CSMD3: variants seen among roughly 807,000 people sequenced by gnomAD.
CSMD3 encodes CUB and Sushi multiple domains 3.
Under a neutral mutation model 435.2 loss-of-function variants are expected in CSMD3, and 177 were observed. The ratio of observed to expected loss-of-function variants is 0.41; its 90% CI spans 0.36 to 0.46. The LOEUF is 0.46. Ranked by LOEUF, CSMD3 falls within the 20% of genes least tolerant of loss-of-function variation. The pLI, the probability that CSMD3 is intolerant of heterozygous loss-of-function variation, is 0.34. For missense variants in CSMD3, 4,265 were observed against 4,504.6 expected (o/e 0.95, Z 1.52); for synonymous variants, 1,656 against 1,520.5 (o/e 1.09, Z -2.07).
intron 6 of CSMD3, among the ~76,000 whole-genome samples, chr8:112,986,721 A>C (rs761924851): frequency 6.6e-6 from 1 of 152,070 alleles, no homozygotes; most frequent in South Asian, 2.1e-4. Flanking sequence ...ATTGAATGGA[A>C]GATATTTCCA....
At chr8:113,022,886 T>C (rs911910964) in intron 5 of CSMD3, among the ~76,000 whole-genome samples, 1 of 143,620 alleles carries the variant, frequency 7.0e-6, no homozygotes, top group South Asian at 2.3e-4. Flanking sequence ...TTGCAAAAAA[T>C]TTTTAGTTCT....
intron 2 of CSMD3, chr8:113,312,892 T>C (rs1489269013): frequency 2.0e-5 from 3 of 152,026 alleles, no homozygotes; most frequent in African/African-American, 7.2e-5. Context: ...GTTTACAATG[T>C]AAAAGGAAAA....
At chr8:112,614,444 A>G (rs1833510400) in intron 22 of CSMD3, among the ~76,000 whole-genome samples, 1 of 151,820 alleles carries the variant, frequency 6.6e-6, no homozygotes, top group East Asian at 1.9e-4. Context: ...GACCCACAGA[A>G]CCCCACCCGG....
In CSMD3 at chr8:112,408,281, A is replaced by G. The variant is rs751186008; in HGVS notation, c.5605+37T>C. The G allele has an allele frequency of 3.3e-6, 4 of 1,209,208 alleles. No homozygotes were observed. The South Asian group carries it at 4.8e-5, about 15-fold the overall frequency. The allele number at this position is 1,209,208 out of a possible 1,614,324, so 74.9% of individuals were successfully genotyped here. On this transcript the variant is annotated intron_variant, in intron 34 of 70. Transcript: ENST00000297405. ...GAATACATCATGGGAAAATTATATCATTCCTTAGTGTGTTTCTAGACTACA... is the reference window on the plus strand; with the variant it reads ...GAATACATCATGGGAAAATTATATCGTTCCTTAGTGTGTTTCTAGACTACA...
At chr8:113,397,243 G>GT (rs1172135708) in intron 1 of CSMD3, among the ~76,000 whole-genome samples, 2 of 151,790 alleles carry the variant, frequency 1.3e-5, no homozygotes, top group Non-Finnish European at 2.9e-5. Flanking sequence ...CTTTAAATTT[G>GT]TTTTTTTCCA....
At chr8:112,608,885 T>C (rs1269604588) in intron 22 of CSMD3, among the ~76,000 whole-genome samples, 1 of 151,874 alleles carries the variant, frequency 6.6e-6, no homozygotes, top group African/African-American at 2.4e-5. Context: ...ACCTGAAACC[T>C]TAACACTTCT....
At chr8:113,340,029 T>C (rs1452845768) in intron 1 of CSMD3, among the ~76,000 whole-genome samples, 1 of 152,034 alleles carries the variant, frequency 6.6e-6, no homozygotes, top group African/African-American at 2.4e-5. Context: ...CATGTCATAG[T>C]CTTTACTTAA....
rs374333964 is a variant in CSMD3 at position 113,020,148 on chromosome 8, C to A, written c.918-969G>T. On this transcript the variant is annotated intron_variant, in intron 5 of 70. Transcript: ENST00000297405. ...ACTGCAGTCCGCAGTCCGGCCTGGG[C>A]GACAGAGCGAGACTCCGTCTCAAAA... 8.5e-4 allele frequency among the ~76,000 whole-genome samples: 100 copies of A among 117,174 alleles called. No individual in the cohort carries two copies. The South Asian group carries it at 0.02, about 23-fold the overall frequency. 76.9% of individuals were successfully genotyped at this position (117,174 alleles called of 152,430 possible). A position where few individuals can be genotyped will look rare whatever the true frequency, so the allele number is the denominator to read the frequency against.
At chr8:112,723,953 T>A (rs1490024249) in intron 13 of CSMD3, among the ~76,000 whole-genome samples, 1 of 151,826 alleles carries the variant, frequency 6.6e-6, no homozygotes, top group Admixed American at 6.6e-5. Context: ...AAATGAGAGA[T>A]CATCCGTTCA....
chr8:113,225,150 C>T (rs367823018), intron 3 of CSMD3, among the ~76,000 whole-genome samples: 33 of 151,348 alleles, frequency 2.2e-4, no homozygotes, highest in African/African-American at 7.5e-4. Context: ...CATGGAAAGG[C>T]AGTGTTGTTA....
chr8:112,610,650 T>C (rs1833185057), intron 22 of CSMD3, among the ~76,000 whole-genome samples: 1 of 152,194 alleles, frequency 6.6e-6, no homozygotes, highest in Non-Finnish European at 1.5e-5. Flanking sequence ...GCAGAATTCA[T>C]AAAGCAGGTC....
Position 112,778,177 on chromosome 8 carries a change from T to C in CSMD3, c.1972+21985A>G, listed in dbSNP as rs751451594. 4.6e-5 allele frequency among the ~76,000 whole-genome samples: 7 copies of C among 151,818 alleles called. 1 individual carries two copies. Among genetic ancestry groups the C allele is most frequent in the South Asian group, 2.1e-4 (1 of 4,830 alleles). On this transcript the variant is annotated intron_variant, in intron 13 of 70. Transcript: ENST00000297405. ...CAACTACCAACATCCCACACTACTA[T>C]GGTACATTCGTTAAAATTAATGAAA...
rs556506376 is a variant in CSMD3 at position 113,035,205 on chromosome 8, A to T, written c.918-16026T>A. 2.6e-5 allele frequency among the ~76,000 whole-genome samples: 4 copies of T among 152,108 alleles called. No homozygotes were observed. The South Asian group carries it at 8.3e-4, about 32-fold the overall frequency. ...TTTGAAAAAATCAATAAAATCAATA[A>T]ATGCTTTCCTAGACTGATCAAATAA... On this transcript the variant is annotated intron_variant, in intron 5 of 70. Coordinates refer to ENST00000297405, the MANE Select transcript of CSMD3 (RefSeq NM_198123.2).
Position 112,223,731 on chromosome 8 carries a change from A to C in CSMD3, c.*1040T>G, listed in dbSNP as rs556771838. The C allele has an allele frequency of 6.6e-6, 1 of 152,266 alleles. No homozygotes were observed. Among genetic ancestry groups the C allele is most frequent in the South Asian group, 2.1e-4 (1 of 4,828 alleles). 9.4% of individuals were successfully genotyped at this position (152,266 alleles called of 1,614,324 possible). ...GTGGCTAGACCAAAATATTTTTCTA[A>C]TCCATTGTTAAATGAAAATTAAAAG... is the stretch of plus-strand genomic sequence containing the variant. On this transcript the variant is annotated 3_prime_UTR_variant, in exon 71 of 71. Transcript: ENST00000297405.
rs939276848 is a variant in CSMD3 at position 112,552,806 on chromosome 8, G to T, written c.4235-86C>A. On this transcript the variant is annotated intron_variant, in intron 25 of 70. Coordinates refer to ENST00000297405, the MANE Select transcript of CSMD3 (RefSeq NM_198123.2). The stretch of plus-strand genomic sequence containing the variant: ...ACAAATTTCTCATGAGTAGACAAAA[G>T]AATACTGATTTTCTTGTTTCTTTAA... 101 of 1,192,886 alleles carry T rather than the reference G, an allele frequency of 8.5e-5. 1 individual carries two copies. The highest frequency in any genetic ancestry group is 7.8e-5 in the Non-Finnish European group (64 of 819,778). The allele number at this position is 1,192,886 out of a possible 1,614,324, so 73.9% of individuals were successfully genotyped here. A position where few individuals can be genotyped will look rare whatever the true frequency, so the allele number is the denominator to read the frequency against.
chr8:113,204,408 G>A (rs1027635143), intron 3 of CSMD3, among the ~76,000 whole-genome samples: 79 of 152,110 alleles, frequency 5.2e-4, no homozygotes, highest in African/African-American at 1.8e-3. Flanking sequence ...TGAAATCATA[G>A]AAACATTCTT....
chr8:113,210,123 G>C (rs1202618610), intron 3 of CSMD3, among the ~76,000 whole-genome samples: 1 of 151,440 alleles, frequency 6.6e-6, no homozygotes, highest in Non-Finnish European at 1.5e-5. Context: ...TTCAGCTACT[G>C]GAAGTATCAT....
At chr8:112,774,598 C>T (rs1268098240) in intron 13 of CSMD3, among the ~76,000 whole-genome samples, 1 of 151,996 alleles carries the variant, frequency 6.6e-6, no homozygotes, top group Non-Finnish European at 1.5e-5. Flanking sequence ...CAGCTGTTCA[C>T]CCAGTCACTA....
intron 5 of CSMD3, chr8:113,098,443 G>T: frequency 3.0e-6 from 1 of 337,938 alleles, no homozygotes; most frequent in Non-Finnish European, 5.6e-6. Context: ...TTAAACAAAG[G>T]AAAATTACTT....
Sources: allele counts gnomAD v4.1 joint callset (sites outside exome capture counted in the v4.1 genomes callset), GRCh38; gene constraint gnomAD v4.1.1; transcripts MANE v1.5; gene names NCBI Gene and HGNC (gene_info 2026-07-23, HGNC 2026-07-21).